The following RPS6KA2 variants were observed in gnomAD, a reference collection of about 807,000 sequenced individuals.
RPS6KA2 encodes the protein ribosomal protein S6 kinase alpha-2.
RPS6KA2 carries 42 observed loss-of-function variants against 91.8 expected under a neutral mutation model. The ratio of observed to expected loss-of-function variants is 0.46; its 90% CI spans 0.36 to 0.59. RPS6KA2 has a LOEUF of 0.59. Among genes scored for constraint, RPS6KA2 ranks in the 20% least tolerant of loss-of-function variants. The pLI is 0.00. For synonymous variants in RPS6KA2, 414 were observed against 393.6 expected (o/e 1.05, Z -0.61); for missense variants, 798 against 978.5 (o/e 0.82, Z 2.46).
chr6:166,623,101 T>C (rs1057024780), intron 1 of RPS6KA2, among the ~76,000 whole-genome samples: 2 of 152,262 alleles, frequency 1.3e-5, no homozygotes, highest in Non-Finnish European at 2.9e-5. Context: ...CCTACTGTCT[T>C]TCAGGAGAAA....
In RPS6KA2 at chr6:166,702,316, G is replaced by C. The variant is rs926542432; in HGVS notation, c.123+155884C>G. ...AGGAGCCCCTCTGCCCAAGCCCCCG[G>C]CGACCTCGGGGCTGCAGAAAGGGGT... On this transcript the variant is annotated intron_variant, in intron 2 of 21. Coordinates refer to the RPS6KA2 transcript ENST00000503859. The C allele has an allele frequency of 1.9e-6, 3 of 1,613,528 alleles. No homozygotes were observed. In the East Asian group the frequency reaches 6.7e-5, roughly 36 times the overall value.
intron 1 of RPS6KA2, among the ~76,000 whole-genome samples, chr6:166,556,146 C>A (rs1784172000): frequency 6.6e-6 from 1 of 152,196 alleles, no homozygotes; most frequent in East Asian, 1.9e-4. Context: ...CCTGGACCCT[C>A]TTTCTCTCTT....
At chr6:166,824,960 T>C (rs1263313608) in intron 2 of RPS6KA2, among the ~76,000 whole-genome samples, 1 of 152,246 alleles carries the variant, frequency 6.6e-6, no homozygotes, top group Non-Finnish European at 1.5e-5. Flanking sequence ...GCCACAGCGT[T>C]CTGTGCTTCA....
chr6:166,532,516 C>T (rs1235588807), intron 2 of RPS6KA2, among the ~76,000 whole-genome samples: 5 of 152,198 alleles, frequency 3.3e-5, no homozygotes, highest in Non-Finnish European at 7.4e-5. Context: ...ACGCTCTCAC[C>T]ATGTGCCCCT....
chr6:166,689,813 G>T (rs1789148125), intron 2 of RPS6KA2, among the ~76,000 whole-genome samples: 3 of 152,376 alleles, frequency 2.0e-5, no homozygotes, highest in Middle Eastern at 3.4e-3. Context: ...GCCCATGAGG[G>T]TTCTGCTCTG....
Position 166,821,947 on chromosome 6 carries a change from C to T in RPS6KA2, c.123+36253G>A, listed in dbSNP as rs1779915442. Among the ~76,000 whole-genome samples the T allele has an allele frequency of 6.6e-6, 1 of 152,140 alleles. No individual in the cohort carries two copies. The highest frequency in any genetic ancestry group is 2.4e-5 in the African/African-American group (1 of 41,414). ...TCAACACTGGGCACCATCCTGAATC[C>T]CTCTCCCTCAGCCTCCCATCAAATG... is the stretch of plus-strand genomic sequence containing the variant. On this transcript the variant is annotated intron_variant, in intron 2 of 21. Coordinates refer to the RPS6KA2 transcript ENST00000503859. This position sits in a 1 kb window ranked among gnomAD's most constrained non-coding sequence, Gnocchi z 4.1.
At chr6:166,757,901 G>A (rs1778063189) in intron 2 of RPS6KA2, 1 of 235,194 alleles carries the variant, frequency 4.3e-6, no homozygotes, top group Non-Finnish European at 8.5e-6. Flanking sequence ...CCTCTGATGA[G>A]AATGCGAAGT....
intron 1 of RPS6KA2, among the ~76,000 whole-genome samples, chr6:166,558,149 GGAGAGAGAGAGA>G (rs71299768): frequency 6.7e-6 from 1 of 149,718 alleles, no homozygotes; most frequent in South Asian, 2.1e-4. Flanking sequence ...ATGTATGTGG[GGAGAGAGAGAGA>G]GAGAGAGAGA....
At chr6:166,625,884 T>C (rs2128543019) in intron 1 of RPS6KA2, among the ~76,000 whole-genome samples, 2 of 152,340 alleles carry the variant, frequency 1.3e-5, no homozygotes, top group Middle Eastern at 6.8e-3. Flanking sequence ...GTAATTCTCT[T>C]CTACTTTTTT....
Position 166,648,015 on chromosome 6 carries a change from T to G in RPS6KA2, c.124-109231A>C, listed in dbSNP as rs1176739929. Among the ~76,000 whole-genome samples, 2 of 106,976 alleles carry G rather than the reference T, an allele frequency of 1.9e-5. 1 individual carries two copies. The highest frequency in any genetic ancestry group is 8.3e-5 in the African/African-American group (2 of 24,124). 70.2% of individuals were successfully genotyped at this position (106,976 alleles called of 152,430 possible). A position where few individuals can be genotyped will look rare whatever the true frequency, so the allele number is the denominator to read the frequency against. On this transcript the variant is annotated intron_variant, in intron 2 of 21. Transcript: ENST00000503859. This position sits in a 1 kb window ranked among gnomAD's most constrained non-coding sequence, Gnocchi z 4.8. ...GCACATGCTCACACACGCACATGCTTACACACATACATACACACATGCTCT... is the reference window on the plus strand; with the variant it reads ...GCACATGCTCACACACGCACATGCTGACACACATACATACACACATGCTCT...
At chr6:166,707,968 T>A (rs1789729193) in intron 2 of RPS6KA2, among the ~76,000 whole-genome samples, 1 of 152,210 alleles carries the variant, frequency 6.6e-6, no homozygotes, top group African/African-American at 2.4e-5. Context: ...GGTCTTGAAC[T>A]GCTGGCCTTA....
At chr6:166,512,616 T>A (rs1477758574) in intron 3 of RPS6KA2, among the ~76,000 whole-genome samples, 1 of 152,234 alleles carries the variant, frequency 6.6e-6, no homozygotes, top group Non-Finnish European at 1.5e-5. Flanking sequence ...CTTTCCCGTT[T>A]GGTCTGTAAT....
intron 2 of RPS6KA2, among the ~76,000 whole-genome samples, chr6:166,746,668 C>T (rs1434026987): frequency 6.6e-6 from 1 of 152,244 alleles, no homozygotes; most frequent in Non-Finnish European, 1.5e-5. Flanking sequence ...GTGCTTTTAA[C>T]CAACTGGCTA....
Position 166,412,702 on chromosome 6 carries a change from C to T in RPS6KA2, c.*60G>A. 1.3e-6 allele frequency: 2 copies of T among 1,507,714 alleles called. No individual in the cohort carries two copies. Among genetic ancestry groups the T allele is most frequent in the Non-Finnish European group, 8.9e-7 (1 of 1,124,386 alleles). 93.4% of individuals were successfully genotyped at this position (1,507,714 alleles called of 1,614,324 possible). A position where few individuals can be genotyped will look rare whatever the true frequency, so the allele number is the denominator to read the frequency against. On this transcript the variant is annotated 3_prime_UTR_variant, in exon 21 of 21. Transcript: ENST00000265678. This position sits in a 1 kb window ranked among gnomAD's most constrained non-coding sequence, Gnocchi z 4.3. ...TCTGGGTGCCAGACGGGCTCCGAGG[C>T]CGGGGTCTGTGAGCCCACGAGGATG...
intron 2 of RPS6KA2, among the ~76,000 whole-genome samples, chr6:166,647,184 A>G (rs947502858): frequency 1.3e-5 from 2 of 151,390 alleles, no homozygotes; most frequent in African/African-American, 4.9e-5. Flanking sequence ...ACTCTAAACC[A>G]CTCAGTAAAT....
intron 1 of RPS6KA2, among the ~76,000 whole-genome samples, chr6:166,591,331 G>C (rs113057705): frequency 6.6e-6 from 1 of 152,228 alleles, no homozygotes; most frequent in Non-Finnish European, 1.5e-5. Flanking sequence ...CAGTGTGGCT[G>C]CTTCCGTCCA....
intron 17 of RPS6KA2, among the ~76,000 whole-genome samples, chr6:166,420,225 A>G (rs1303184166): frequency 6.6e-6 from 1 of 152,234 alleles, no homozygotes; most frequent in Non-Finnish European, 1.5e-5. Context: ...TTTTTAAGGC[A>G]GAAGGATTTT....
chr6:166,834,717 A>C (rs1414696158), intron 2 of RPS6KA2, among the ~76,000 whole-genome samples: 1 of 152,084 alleles, frequency 6.6e-6, no homozygotes, highest in Non-Finnish European at 1.5e-5. Context: ...TCCGGATATA[A>C]ATCTTTTATG....
At chr6:166,457,117 GCC>G (rs371456162) in intron 12 of RPS6KA2, among the ~76,000 whole-genome samples, 105 of 152,340 alleles carry the variant, frequency 6.9e-4, no homozygotes, top group African/African-American at 2.5e-3. Context: ...TAAACACACA[GCC>G]CCACATGTTG....
Sources: allele counts gnomAD v4.1 joint callset (sites outside exome capture counted in the v4.1 genomes callset), GRCh38; gene constraint gnomAD v4.1.1; non-coding constraint Gnocchi (gnomAD v3.1); transcripts MANE v1.5; gene names NCBI Gene and HGNC (gene_info 2026-07-23, HGNC 2026-07-21).